The following PLXNC1 variants were observed in gnomAD, a reference collection of about 807,000 sequenced individuals.
PLXNC1 encodes plexin-C1.
Under a neutral mutation model 178.2 loss-of-function variants are expected in PLXNC1, and 75 were observed. That is an observed-to-expected ratio of 0.42 (90% confidence interval 0.35 to 0.51). The LOEUF (loss-of-function observed/expected upper bound fraction) is 0.51, where lower values mean the gene tolerates loss of function less well. PLXNC1 is among the 20% of genes least tolerant of loss of function. The pLI, the probability that PLXNC1 is intolerant of heterozygous loss-of-function variation, is 0.02. For synonymous variants in PLXNC1, 790 were observed against 779.9 expected, an observed-to-expected ratio of 1.01 and a Z score of -0.22; for missense variants, 1,503 against 1,984.4, an observed-to-expected ratio of 0.76 and a Z score of 4.61.
At chr12:94,184,433 A>T (rs1363545720) in intron 3 of PLXNC1, among the ~76,000 whole-genome samples, 1 of 126,304 alleles carries the variant, frequency 7.9e-6, no homozygotes, top group Non-Finnish European at 1.7e-5. Context: ...GCCCTCTCTC[A>T]TTTTTTTTTG....
chr12:94,191,906 A>G (rs1201245087), intron 4 of PLXNC1, among the ~76,000 whole-genome samples: 1 of 152,166 alleles, frequency 6.6e-6, no homozygotes, highest in African/African-American at 2.4e-5. Flanking sequence ...GTGGGTGGAA[A>G]GTGAATTTTT....
intron 21 of PLXNC1, among the ~76,000 whole-genome samples, chr12:94,274,218 G>GTC (rs1248764117): frequency 6.8e-6 from 1 of 146,210 alleles, no homozygotes; most frequent in Admixed American, 6.9e-5. Context: ...TGCACCTGTA[G>GTC]TCTCTGCTAT....
intron 2 of PLXNC1, among the ~76,000 whole-genome samples, chr12:94,177,664 G>C (rs1962154293): frequency 6.6e-6 from 1 of 152,088 alleles, no homozygotes; most frequent in African/African-American, 2.4e-5. Context: ...GTTCTAGAGA[G>C]AATATTGATG....
In PLXNC1 at chr12:94,303,981, A is replaced by T; in HGVS notation, c.4532A>T (p.His1511Leu). The T allele has an allele frequency of 6.2e-7, 1 of 1,604,514 alleles. No individual in the cohort carries two copies. Residue 1511 changes from histidine to leucine, a missense_variant, in exon 30 of 31, where the codon CAT becomes CTT. Physicochemically the swap from His to Leu is moderately conservative, Grantham distance 99. Around this residue, in one of 4 missense-constraint regions of PLXNC1, gnomAD observed 639 missense variants for 979.7 expected, o/e 0.65. Coordinates refer to ENST00000258526, the MANE Select transcript of PLXNC1 (RefSeq NM_005761.3). ...CTCAACAAGTCTTTCTTTTAGAAAC[A>T]TGAAAATGAATTTAATGAAGAAGTG... ...EEFLTQESKK[H>L]ENEFNEEVAL...
rs1297801982 is a variant in PLXNC1 at position 94,149,043 on chromosome 12, T to C, written c.72T>C (p.Tyr24=). 4 of 1,522,050 alleles carry C rather than the reference T, an allele frequency of 2.6e-6. No homozygotes were observed. The highest frequency in any genetic ancestry group is 3.5e-6 in the Non-Finnish European group (4 of 1,142,540). The allele number at this position is 1,522,050 out of a possible 1,614,324, so 94.3% of individuals were successfully genotyped here. A position where few individuals can be genotyped will look rare whatever the true frequency, so the allele number is the denominator to read the frequency against. Residue 24 remains tyrosine (Y), a synonymous_variant, in exon 1 of 31, where the codon TAT becomes TAC. Coordinates refer to ENST00000258526, the MANE Select transcript of PLXNC1 (RefSeq NM_005761.3). The part of the protein sequence containing the change: ...RPAAPLPLLA[Y]LLALAAPGRG... ...CAGCGCCACTGCCCCTGCTCGCCTA[T>C]CTGCTGGCACTGGCGGCTCCCGGCC...
In PLXNC1 at chr12:94,240,499, A is replaced by G; in HGVS notation, c.2135A>G (p.His712Arg). 1 of 1,613,788 alleles carries G rather than the reference A, an allele frequency of 6.2e-7. No individual in the cohort carries two copies. The highest frequency in any genetic ancestry group is 1.7e-5 in the Admixed American group (1 of 60,008). Reference protein sequence around the residue: ...TCDKDVIQVSHVLNDTHMKFS... With the variant: ...TCDKDVIQVSRVLNDTHMKFS... ...CTCTTTTCTAGGATACAGGTTAGCC[A>G]TGTGCTAAATGACACCCACATGAAA... Residue 712 changes from histidine to arginine, a missense_variant, in exon 11 of 31, where the codon CAT becomes CGT. By Grantham distance (29) the His-to-Arg change is conservative (BLOSUM62 0). Transcript: ENST00000258526.
At chr12:94,193,386 G>A (rs1962794449) in intron 4 of PLXNC1, among the ~76,000 whole-genome samples, 1 of 152,132 alleles carries the variant, frequency 6.6e-6, no homozygotes, top group Non-Finnish European at 1.5e-5. Context: ...AAGGAAGTGG[G>A]TGGATTAGAG....
chr12:94,182,996 TC>T (rs1962382796), intron 3 of PLXNC1, among the ~76,000 whole-genome samples: 1 of 152,158 alleles, frequency 6.6e-6, no homozygotes, highest in Non-Finnish European at 1.5e-5. Flanking sequence ...TGATATTAAA[TC>T]CAAAATTTGT....
intron 2 of PLXNC1, among the ~76,000 whole-genome samples, chr12:94,174,136 C>A (rs1372846728): frequency 6.6e-6 from 1 of 152,144 alleles, no homozygotes. Flanking sequence ...TGGGCTCAGA[C>A]TGGTTACCTA....
intron 30 of PLXNC1, 165 bp downstream of exon 30, chr12:94,304,216 C>T (rs1386771625): frequency 3.7e-6 from 2 of 546,192 alleles, no homozygotes; most frequent in African/African-American, 3.8e-5. Context: ...AGACCCTGTA[C>T]ATGGCTGCCC....
At chr12:94,197,594 A>C (rs1397148516) in intron 4 of PLXNC1, among the ~76,000 whole-genome samples, 1 of 152,146 alleles carries the variant, frequency 6.6e-6, no homozygotes, top group Non-Finnish European at 1.5e-5. Flanking sequence ...TATTTTCTTT[A>C]TAAATTTCCC....
In PLXNC1 at chr12:94,279,452, AC is replaced by A. The variant is rs773507764; in HGVS notation, c.3598-18del. ...TTGCAATTATCTAATAGACTTGGAA[AC>A]CTGTTTGTACTCTTGCAGGCATTAA... On this transcript the variant is annotated intron_variant, in intron 21 of 30. Transcript: ENST00000258526. 28 of 1,593,690 alleles carry A rather than the reference AC, an allele frequency of 1.8e-5. No individual in the cohort carries two copies. In the Admixed American group the frequency reaches 4.4e-4, roughly 25 times the overall value.
Position 94,265,229 on chromosome 12 carries a change from T to C in PLXNC1, c.3597+4T>C, listed in dbSNP as rs752623638. 25 of 1,592,652 alleles carry C rather than the reference T, an allele frequency of 1.6e-5. No homozygotes were observed. The highest frequency in any genetic ancestry group is 2.1e-5 in the Non-Finnish European group (25 of 1,164,064). ...GGTTCCGGAATTCAGTACTGTGGTA[T>C]GTTTTCAATAAAGCTCCCAGCCAGA... On this transcript the variant is annotated splice_donor_region_variant and intron_variant, in intron 21 of 30. Transcript: ENST00000258526.
chr12:94,286,974 C>T (rs556274663), intron 23 of PLXNC1, among the ~76,000 whole-genome samples: 2 of 152,310 alleles, frequency 1.3e-5, no homozygotes, highest in East Asian at 3.9e-4. Flanking sequence ...CTGGCAGGGC[C>T]CTGTCACCTA....
rs750991102 is a variant in PLXNC1 at position 94,260,964 on chromosome 12, C to T, written c.3450+124C>T. The T allele has an allele frequency of 7.4e-6, 6 of 816,142 alleles. No homozygotes were observed. The highest frequency in any genetic ancestry group is 5.9e-5 in the South Asian group (4 of 67,578). 50.6% of individuals were successfully genotyped at this position (816,142 alleles called of 1,614,324 possible). On this transcript the variant is annotated intron_variant, in intron 20 of 30. Transcript: ENST00000258526. The surrounding 1 kb of genome is among the most constrained non-coding windows in gnomAD (Gnocchi z 4.4). ...ATGGTGTCAGCACTTAACCATGTTT[C>T]GTCTTGGTCCTGACCCAGAACAGAG...
intron 2 of PLXNC1, among the ~76,000 whole-genome samples, chr12:94,170,788 G>A (rs1047893038): frequency 2.0e-5 from 3 of 152,174 alleles, no homozygotes; most frequent in Non-Finnish European, 4.4e-5. Context: ...GAGTTTGTTT[G>A]TATACACATT....
chr12:94,204,794 T>C (rs745743902), intron 4 of PLXNC1, among the ~76,000 whole-genome samples: 2 of 152,250 alleles, frequency 1.3e-5, no homozygotes, highest in African/African-American at 2.4e-5. Context: ...GTTGCTCTTA[T>C]AGCAAAGCCC....
chr12:94,300,263 G>C (rs1368627578), intron 27 of PLXNC1, among the ~76,000 whole-genome samples: 2 of 152,180 alleles, frequency 1.3e-5, no homozygotes, highest in African/African-American at 2.4e-5. Flanking sequence ...GTATGTGTCA[G>C]GACTAGGTGA....
At chr12:94,290,383 G>C (rs182639620) in intron 23 of PLXNC1, among the ~76,000 whole-genome samples, 1 of 152,352 alleles carries the variant, frequency 6.6e-6, no homozygotes, top group Admixed American at 6.5e-5. Context: ...AGCAAACAAT[G>C]AATAGCTCAA....
Sources: allele counts gnomAD v4.1 joint callset (sites outside exome capture counted in the v4.1 genomes callset), GRCh38; gene constraint gnomAD v4.1.1; regional missense constraint gnomAD v4.1.1; non-coding constraint Gnocchi (gnomAD v3.1); transcripts MANE v1.5; gene names NCBI Gene and HGNC (gene_info 2026-07-23, HGNC 2026-07-21).